Variants in PRIMA1 observed in about 807,000 individuals in gnomAD.
The protein encoded by PRIMA1 is proline rich membrane anchor 1, also known as proline-rich membrane anchor 1.
PRIMA1 carries 7 observed loss-of-function variants against 17.5 expected under a neutral mutation model. That is an observed-to-expected ratio of 0.40 (90% confidence interval 0.23 to 0.75). The LOEUF is 0.75. Ranked by LOEUF, PRIMA1 falls within the 30% of genes least tolerant of loss-of-function variation. The probability of loss-of-function intolerance (pLI) is 0.37; values close to 1 mark genes in which losing one functional copy is unlikely to be tolerated. For missense variants in PRIMA1, 200 were observed against 201.8 expected (o/e 0.99, Z 0.05); for synonymous variants, 97 against 77.9 (o/e 1.25, Z -1.29).
intron 3 of PRIMA1, among the ~76,000 whole-genome samples, chr14:93,750,075 G>A (rs1353369629): frequency 1.3e-5 from 2 of 152,136 alleles, no homozygotes; most frequent in African/African-American, 4.8e-5. Flanking sequence ...CCTGCTACTT[G>A]GGAGGCTGAG....
intron 3 of PRIMA1, among the ~76,000 whole-genome samples, chr14:93,745,473 G>A (rs536431116): frequency 9.2e-5 from 14 of 152,330 alleles, no homozygotes; most frequent in South Asian, 2.1e-4. Flanking sequence ...TGTGTGCAGC[G>A]CCTTTCAGGC....
At chr14:93,732,172 G>A (rs1035424823) in intron 4 of PRIMA1, among the ~76,000 whole-genome samples, 1 of 152,240 alleles carries the variant, frequency 6.6e-6, no homozygotes, top group African/African-American at 2.4e-5. Context: ...GAGGCAAGGT[G>A]TTCATCCTGT....
intron 2 of PRIMA1, among the ~76,000 whole-genome samples, chr14:93,781,878 G>A (rs1304123417): frequency 2.0e-5 from 3 of 152,168 alleles, no homozygotes; most frequent in African/African-American, 7.2e-5. Context: ...AGGATGCTGA[G>A]GCAGAGAATG....
chr14:93,747,298 C>T (rs558333608), intron 3 of PRIMA1, among the ~76,000 whole-genome samples: 33 of 152,258 alleles, frequency 2.2e-4, no homozygotes, highest in African/African-American at 7.0e-4. Flanking sequence ...TCAAGTACAG[C>T]GAGGCTGGGA....
chr14:93,767,884 A>C (rs1448050812), intron 3 of PRIMA1, among the ~76,000 whole-genome samples: 5 of 152,192 alleles, frequency 3.3e-5, no homozygotes, highest in Admixed American at 2.6e-4. Context: ...TGAAATGTCC[A>C]GAACAGGCAA....
Position 93,731,952 on chromosome 14 carries a change from G to C in PRIMA1, c.359+5289C>G, listed in dbSNP as rs149850475. ...TGAGGACCAGAGCCCAGCAATAAGT[G>C]GTGCTTAGGCACAATCACGCACACT... On this transcript the variant is annotated intron_variant, in intron 4 of 4. Coordinates refer to ENST00000393140, the MANE Select transcript of PRIMA1 (RefSeq NM_178013.4). 2.6e-3 allele frequency among the ~76,000 whole-genome samples: 396 copies of C among 152,344 alleles called. 2 individuals are homozygous for C. Among genetic ancestry groups the C allele is most frequent in the African/African-American group, 9.0e-3 (376 of 41,580 alleles).
chr14:93,748,487 C>CTGAGG (rs2076240623), intron 3 of PRIMA1, among the ~76,000 whole-genome samples: 2 of 152,164 alleles, frequency 1.3e-5, no homozygotes, highest in African/African-American at 4.8e-5. Context: ...AGGCGACGTT[C>CTGAGG]AAGCTGAGCC....
In PRIMA1 at chr14:93,738,305, G is replaced by C. The variant is rs548468053; in HGVS notation, c.230-935C>G. On this transcript the variant is annotated intron_variant, in intron 3 of 4. Transcript: ENST00000393140. ...TTCGCTTTCCTCTGAGAAAAGCAAA[G>C]ACATCACACAGCCTCATCCCAGGGC... is the stretch of plus-strand genomic sequence containing the variant. 2.0e-5 allele frequency among the ~76,000 whole-genome samples: 3 copies of C among 152,228 alleles called. No homozygotes were observed. The East Asian group carries it at 5.8e-4, about 29-fold the overall frequency.
chr14:93,757,270 C>T (rs566517346), intron 3 of PRIMA1, among the ~76,000 whole-genome samples: 23 of 152,214 alleles, frequency 1.5e-4, no homozygotes, highest in Admixed American at 1.4e-3. Context: ...TTAATGGCTG[C>T]CCCTCTGACA....
intron 3 of PRIMA1, among the ~76,000 whole-genome samples, chr14:93,768,028 T>C (rs981213179): frequency 2.0e-5 from 3 of 152,188 alleles, no homozygotes; most frequent in African/African-American, 7.2e-5. Context: ...GAAGACCTTT[T>C]ACATTCTATG....
chr14:93,756,204 T>C (rs1418565638), intron 3 of PRIMA1, among the ~76,000 whole-genome samples: 1 of 152,224 alleles, frequency 6.6e-6, no homozygotes, highest in Non-Finnish European at 1.5e-5. Flanking sequence ...TTGCCTGGCC[T>C]AAGATAAGAA....
rs1057403761 is a variant in PRIMA1 at position 93,761,219 on chromosome 14, C to T, written c.229+17957G>A. Among the ~76,000 whole-genome samples, 29 of 152,180 alleles carry T rather than the reference C, an allele frequency of 1.9e-4. 2 individuals carry two copies. The highest frequency in any genetic ancestry group is 9.8e-4 in the Admixed American group (15 of 15,276). ...AAAAAAAATTAGCTGGGCATGATGG[C>T]GCACACCTGTAATCTCAACTATTCT... On this transcript the variant is annotated intron_variant, in intron 3 of 4. Coordinates refer to ENST00000393140, the MANE Select transcript of PRIMA1 (RefSeq NM_178013.4).
intron 4 of PRIMA1, among the ~76,000 whole-genome samples, chr14:93,727,131 C>T (rs941821375): frequency 1.3e-5 from 2 of 152,182 alleles, no homozygotes; most frequent in African/African-American, 4.8e-5. Flanking sequence ...AGACAAGCGT[C>T]CTCACAGCCA....
At chr14:93,751,718 C>A (rs777140480) in intron 3 of PRIMA1, among the ~76,000 whole-genome samples, 6 of 152,132 alleles carry the variant, frequency 3.9e-5, no homozygotes, top group African/African-American at 7.2e-5. Context: ...GATGACACGG[C>A]TGAGAAGAAT....
chr14:93,770,094 G>A (rs1316568299), intron 3 of PRIMA1, among the ~76,000 whole-genome samples: 1 of 152,180 alleles, frequency 6.6e-6, no homozygotes, highest in African/African-American at 2.4e-5. Flanking sequence ...CCCTGCTGCA[G>A]AATGATCTTA....
At chr14:93,746,491 G>A (rs552475129) in intron 3 of PRIMA1, among the ~76,000 whole-genome samples, 1 of 152,232 alleles carries the variant, frequency 6.6e-6, no homozygotes, top group African/African-American at 2.4e-5. Flanking sequence ...TGGCAGTTCT[G>A]GGGAGCAGGA....
At chr14:93,747,814 T>C (rs2076230778) in intron 3 of PRIMA1, among the ~76,000 whole-genome samples, 1 of 145,160 alleles carries the variant, frequency 6.9e-6, no homozygotes, top group African/African-American at 2.6e-5. Flanking sequence ...ACTGAGTGTG[T>C]GGGAGTGTGA....
chr14:93,719,155 A>G lies in PRIMA1; in HGVS notation c.*2289T>C, dbSNP rs1421594675. On this transcript the variant is annotated 3_prime_UTR_variant, in exon 5 of 5. Transcript: ENST00000393140. ...GGGTGAGAAGGGATTTTACAAGCCCAGCTGAGAGGGAATTTATGTGCAGAC... is the reference window on the plus strand; with the variant it reads ...GGGTGAGAAGGGATTTTACAAGCCCGGCTGAGAGGGAATTTATGTGCAGAC... 6.6e-6 allele frequency: 1 copy of G among 152,216 alleles called. No individual in the cohort carries two copies. Among genetic ancestry groups the G allele is most frequent in the Non-Finnish European group, 1.5e-5 (1 of 68,048 alleles). 9.4% of individuals were successfully genotyped at this position (152,216 alleles called of 1,614,324 possible).
At chr14:93,764,636 G>C (rs544347146) in intron 3 of PRIMA1, among the ~76,000 whole-genome samples, 15 of 152,270 alleles carry the variant, frequency 9.9e-5, no homozygotes, top group African/African-American at 3.6e-4. Context: ...GTGATTTACT[G>C]CTCCTTAAAT....
Sources: gnomAD v4.1 joint callset for allele counts (sites outside exome capture counted in the v4.1 genomes callset) on GRCh38, gnomAD v4.1.1 for gene constraint, MANE v1.5 for transcripts, NCBI Gene and HGNC (gene_info 2026-07-23, HGNC 2026-07-21) for gene names.